Variants in LARGE1 observed in about 807,000 individuals in gnomAD.
LARGE1 encodes the protein LARGE xylosyl- and glucuronyltransferase 1, also known as xylosyl- and glucuronyltransferase LARGE1.
Under a neutral mutation model 87.6 loss-of-function variants are expected in LARGE1, and 43 were observed. That is an observed-to-expected ratio of 0.49 (90% CI 0.38 to 0.63). The LOEUF (loss-of-function observed/expected upper bound fraction) is 0.63, where lower values mean the gene tolerates loss of function less well. Ranked by LOEUF, LARGE1 falls within the 30% of genes least tolerant of loss-of-function variation. The pLI, the probability that LARGE1 is intolerant of heterozygous loss-of-function variation, is 0.00. For missense variants in LARGE1, 802 were observed against 1,000.2 expected (o/e 0.80, Z 2.67); for synonymous variants, 434 against 394.6 (o/e 1.10, Z -1.18).
intron 2 of LARGE1, among the ~76,000 whole-genome samples, chr22:33,729,437 C>A (rs1424599959): frequency 6.6e-6 from 1 of 152,236 alleles, no homozygotes; most frequent in African/African-American, 2.4e-5. Flanking sequence ...TAAACTATCA[C>A]TAATGCATTC....
At chr22:33,548,892 A>G (rs1242433699) in intron 6 of LARGE1, among the ~76,000 whole-genome samples, 1 of 152,246 alleles carries the variant, frequency 6.6e-6, no homozygotes, top group Non-Finnish European at 1.5e-5. Context: ...ACCTGTGGTC[A>G]TTTTTGACAT....
chr22:33,131,556 G>A, the LARGE1 span, among the ~76,000 whole-genome samples: 1 of 152,132 alleles, frequency 6.6e-6, no homozygotes, highest in East Asian at 1.9e-4. Context: ...AATCATGGTC[G>A]AAGGCAAAGG....
chr22:33,418,488 T>G (rs1275159304), intron 7 of LARGE1, among the ~76,000 whole-genome samples: 3 of 151,990 alleles, frequency 2.0e-5, no homozygotes, highest in Non-Finnish European at 4.4e-5. Context: ...GGATGGAAAG[T>G]GCAAAGAAGA....
chr22:33,328,788 A>T (rs1937462665), intron 10 of LARGE1, among the ~76,000 whole-genome samples: 1 of 152,068 alleles, frequency 6.6e-6, no homozygotes, highest in African/African-American at 2.4e-5. Flanking sequence ...CCATTTGGGA[A>T]GCACTTCCTT....
At chr22:33,456,392 T>C (rs1331141254) in intron 6 of LARGE1, among the ~76,000 whole-genome samples, 1 of 152,198 alleles carries the variant, frequency 6.6e-6, no homozygotes, top group African/African-American at 2.4e-5. Context: ...ACTGTGAATC[T>C]TTCTTGGAGA....
intron 11 of LARGE1, among the ~76,000 whole-genome samples, chr22:33,229,388 T>C (rs1306947868): frequency 6.6e-6 from 1 of 152,076 alleles, no homozygotes; most frequent in Non-Finnish European, 1.5e-5. Context: ...TATATATATG[T>C]ATATAATTAG....
chr22:33,647,054 C>T (rs1042381515), intron 3 of LARGE1, among the ~76,000 whole-genome samples: 3 of 152,252 alleles, frequency 2.0e-5, no homozygotes, highest in Admixed American at 6.5e-5. Context: ...CAAACAATCT[C>T]TCCTATCTTA....
At chr22:33,776,342 G>A (rs116018948) in intron 1 of LARGE1, among the ~76,000 whole-genome samples, 19 of 152,276 alleles carry the variant, frequency 1.2e-4, no homozygotes, top group African/African-American at 4.3e-4. Context: ...CACAGGTACA[G>A]AAGCAAATGG....
chr22:33,839,548 A>G (rs1400653492), intron 1 of LARGE1, among the ~76,000 whole-genome samples: 1 of 152,218 alleles, frequency 6.6e-6, no homozygotes, highest in Admixed American at 6.5e-5. Context: ...ATAACTGAAC[A>G]AATAAGTGAC....
At chr22:33,241,273 A>G (rs570325010) in intron 11 of LARGE1, among the ~76,000 whole-genome samples, 3 of 152,234 alleles carry the variant, frequency 2.0e-5, no homozygotes, top group African/African-American at 4.8e-5. Flanking sequence ...GCTTGAAACA[A>G]TGTGATCCCC....
At chr22:33,170,976 A>G (rs1922539988) in intron 11 of LARGE1, among the ~76,000 whole-genome samples, 1 of 152,194 alleles carries the variant, frequency 6.6e-6, no homozygotes, top group African/African-American at 2.4e-5. Flanking sequence ...CAAAATGCTG[A>G]TAGTGATATG....
the LARGE1 span, among the ~76,000 whole-genome samples, chr22:33,113,505 C>T: frequency 9.8e-5 from 15 of 152,352 alleles, no homozygotes; most frequent in East Asian, 2.9e-3. Flanking sequence ...CTGCACCCAG[C>T]CGTCATTTAA....
chr22:33,227,400 C>A (rs1925795126), intron 11 of LARGE1, among the ~76,000 whole-genome samples: 1 of 152,198 alleles, frequency 6.6e-6, no homozygotes, highest in South Asian at 2.1e-4. Flanking sequence ...GATGTGTCCA[C>A]TCTTTCCATC....
intron 12 of LARGE1, among the ~76,000 whole-genome samples, chr22:33,295,192 G>A (rs1213274013): frequency 6.6e-6 from 1 of 152,168 alleles, no homozygotes; most frequent in African/African-American, 2.4e-5. Flanking sequence ...GAAAGCAGAG[G>A]CCTGGGTCTG....
At chr22:33,410,771 A>G (rs1194259351) in intron 7 of LARGE1, among the ~76,000 whole-genome samples, 2 of 152,138 alleles carry the variant, frequency 1.3e-5, no homozygotes, top group African/African-American at 4.8e-5. Flanking sequence ...AGGCTTAAGC[A>G]CTGGGCTCTG....
At chr22:33,767,108 G>A (rs1030012152) in intron 1 of LARGE1, among the ~76,000 whole-genome samples, 6 of 151,248 alleles carry the variant, frequency 4.0e-5, no homozygotes, top group East Asian at 2.0e-4. Context: ...GACATCAGGC[G>A]TTCAAGACCA....
chr22:33,904,388 T>C (rs996376318), intron 1 of LARGE1, among the ~76,000 whole-genome samples: 1 of 152,196 alleles, frequency 6.6e-6, no homozygotes, highest in African/African-American at 2.4e-5. Context: ...TCTCCTGACC[T>C]CGTGGTCCCC....
At chr22:33,186,060 A>G (rs1032859960) in intron 11 of LARGE1, among the ~76,000 whole-genome samples, 4 of 152,152 alleles carry the variant, frequency 2.6e-5, no homozygotes, top group Non-Finnish European at 4.4e-5. Context: ...ACCTACAAAA[A>G]AATTCTAGGC....
At chr22:33,365,218 T>C (rs1347662750) in intron 9 of LARGE1, among the ~76,000 whole-genome samples, 1 of 152,148 alleles carries the variant, frequency 6.6e-6, no homozygotes, top group East Asian at 1.9e-4. Context: ...TAGAAAGTCA[T>C]CCACTTCTCC....
Sources: gnomAD v4.1 joint callset for allele counts (sites outside exome capture counted in the v4.1 genomes callset) on GRCh38, gnomAD v4.1.1 for gene constraint, MANE v1.5 for transcripts, NCBI Gene and HGNC (gene_info 2026-07-23, HGNC 2026-07-21) for gene names.